The following GSE1 variants were observed in gnomAD, a reference collection of about 807,000 sequenced individuals.
GSE1 encodes genetic suppressor element 1.
A neutral mutation model predicts 112.6 loss-of-function variants in GSE1; 32 were observed. The observed-to-expected ratio is 0.28, with a 90% confidence interval of 0.21 to 0.38. The LOEUF (loss-of-function observed/expected upper bound fraction) is 0.38. Among genes scored for constraint, GSE1 ranks in the 10% least tolerant of loss-of-function variants. The pLI, the probability that GSE1 is intolerant of heterozygous loss-of-function variation, is 1.00. For synonymous variants in GSE1, 1,115 were observed against 735.6 expected (o/e 1.52, Z -8.35); for missense variants, 2,348 against 1,699.2 (o/e 1.38, Z -6.71).
intron 1 of GSE1, among the ~76,000 whole-genome samples, chr16:85,300,775 G>A (rs2045501516): frequency 6.6e-6 from 1 of 151,920 alleles, no homozygotes; most frequent in Non-Finnish European, 1.5e-5. Context: ...CACGCTGTGT[G>A]GATGGTGAGG....
At chr16:85,456,526 G>A (rs954127788) in intron 2 of GSE1, among the ~76,000 whole-genome samples, 1 of 150,922 alleles carries the variant, frequency 6.6e-6, no homozygotes, top group East Asian at 2.0e-4. Flanking sequence ...CCAGGACCCC[G>A]CTGCAAATCC....
intron 1 of GSE1, among the ~76,000 whole-genome samples, chr16:85,176,208 A>C (rs1016887140): frequency 1.1e-4 from 17 of 152,278 alleles, no homozygotes; most frequent in African/African-American, 3.8e-4. Flanking sequence ...CCTAAGCTCA[A>C]GTGATCCTCC....
At chr16:85,304,836 G>A (rs1305610028) in intron 1 of GSE1, among the ~76,000 whole-genome samples, 2 of 152,162 alleles carry the variant, frequency 1.3e-5, no homozygotes, top group Non-Finnish European at 2.9e-5. Context: ...TTCAACCAGC[G>A]TTGTTCATTG....
At chr16:85,173,542 G>C (rs535681599) in intron 1 of GSE1, among the ~76,000 whole-genome samples, 1 of 152,228 alleles carries the variant, frequency 6.6e-6, no homozygotes, top group African/African-American at 2.4e-5. Flanking sequence ...GGTTGGTTCT[G>C]TGTGCGAGGT....
intron 1 of GSE1, among the ~76,000 whole-genome samples, chr16:85,591,396 C>T (rs571450795): frequency 2.0e-5 from 3 of 152,330 alleles, no homozygotes; most frequent in African/African-American, 7.2e-5. Context: ...TTAGTTTGGG[C>T]CAAGAGAAGG....
intron 2 of GSE1, among the ~76,000 whole-genome samples, chr16:85,641,730 C>T (rs577370225): frequency 6.6e-6 from 1 of 152,366 alleles, no homozygotes; most frequent in East Asian, 1.9e-4. Context: ...TGGCTCTTTC[C>T]TCTGGGGTCT....
At chr16:85,597,788 AAAG>A (rs2047296852) in intron 1 of GSE1, among the ~76,000 whole-genome samples, 1 of 152,152 alleles carries the variant, frequency 6.6e-6, no homozygotes, top group African/African-American at 2.4e-5. Flanking sequence ...TCAATAACTA[AAAG>A]ATGGGCCAGC....
intron 2 of GSE1, among the ~76,000 whole-genome samples, chr16:85,382,516 C>T (rs1390088733): frequency 6.6e-6 from 1 of 152,186 alleles, no homozygotes; most frequent in African/African-American, 2.4e-5. Flanking sequence ...ACGTGGTCTG[C>T]CCCTCACTTT....
chr16:85,650,502 C>A (rs1044844413), intron 3 of GSE1, among the ~76,000 whole-genome samples: 1 of 152,246 alleles, frequency 6.6e-6, no homozygotes, highest in Non-Finnish European at 1.5e-5. Context: ...AGACCCAGGA[C>A]GCCTCGAGGG....
intron 1 of GSE1, among the ~76,000 whole-genome samples, chr16:85,200,536 G>T (rs977171993): frequency 8.5e-5 from 13 of 152,104 alleles, no homozygotes; most frequent in African/African-American, 3.1e-4. Flanking sequence ...TGACCTGTCA[G>T]CTCTGGGCAG....
Position 85,235,787 on chromosome 16 carries a change from A to G in GSE1, c.2283+63980A>G, listed in dbSNP as rs576186094. ...AAGCGTGGCGGGTGCCAGGCGGGCG[A>G]GGCGCCGGCCGGTGAGCGCGGCTGG... On this transcript the variant is annotated intron_variant, in intron 1 of 2. Transcript: ENST00000637419. 9.4e-3 allele frequency among the ~76,000 whole-genome samples: 1,434 copies of G among 151,762 alleles called. 11 individuals are homozygous for G. The highest frequency in any genetic ancestry group is 0.015 in the Non-Finnish European group (1,003 of 67,832).
chr16:85,446,334 T>A (rs78509690), intron 2 of GSE1, among the ~76,000 whole-genome samples: 2,269 of 152,322 alleles, frequency 0.015, 48 homozygotes, highest in African/African-American at 0.052. Context: ...GTAGCTGCAA[T>A]GCTCTCTGCC....
chr16:85,312,221 C>A (rs1466508465), intron 1 of GSE1, among the ~76,000 whole-genome samples: 3 of 122,280 alleles, frequency 2.5e-5, no homozygotes, highest in East Asian at 2.1e-4. Flanking sequence ...GGGGGGGACA[C>A]ACTTACCCCC....
rs1354278062 is a variant in GSE1 at position 85,419,339 on chromosome 16, G to A, written c.2464+61696G>A. Among the ~76,000 whole-genome samples the A allele has an allele frequency of 6.6e-6, 1 of 152,184 alleles. No homozygotes were observed. Among genetic ancestry groups the A allele is most frequent in the Non-Finnish European group, 1.5e-5 (1 of 68,036 alleles). On this transcript the variant is annotated intron_variant, in intron 2 of 2. Transcript: ENST00000637419. The surrounding 1 kb of genome is among the most constrained non-coding windows in gnomAD (Gnocchi z 6.5). Reference sequence around the variant, plus strand: ...TTGAGAATATACCAGATGGCCGGGCGTGGTGGCTCGTGCCTATAATCCCAG... The same window carrying A: ...TTGAGAATATACCAGATGGCCGGGCATGGTGGCTCGTGCCTATAATCCCAG...
At chr16:85,358,223 G>T (rs1321158089) in intron 2 of GSE1, among the ~76,000 whole-genome samples, 1 of 152,196 alleles carries the variant, frequency 6.6e-6, no homozygotes, top group Non-Finnish European at 1.5e-5. Context: ...AGGCGAGGCT[G>T]TGCCCTCCTT....
chr16:85,613,439 C>G (rs747853083), intron 1 of GSE1, 41 bp downstream of exon 1: 1 of 1,515,172 alleles, frequency 6.6e-7, no homozygotes, highest in Non-Finnish European at 8.9e-7. Flanking sequence ...GTCCTCCCCC[C>G]TCCCCCCACC....
chr16:85,653,925 T>C (rs1407108467), intron 3 of GSE1, among the ~76,000 whole-genome samples: 2 of 152,116 alleles, frequency 1.3e-5, no homozygotes, highest in Non-Finnish European at 2.9e-5. Flanking sequence ...GACCTTCGGA[T>C]GTCCACACCA....
chr16:85,338,669 T>C (rs1260417351), intron 1 of GSE1, among the ~76,000 whole-genome samples: 1 of 152,184 alleles, frequency 6.6e-6, no homozygotes, highest in Non-Finnish European at 1.5e-5. Context: ...AAAGGCCCGG[T>C]AGTAGTCTAA....
intron 15 of GSE1, 107 bp downstream of exon 15, chr16:85,671,205 C>G: frequency 1.6e-6 from 1 of 615,818 alleles, no homozygotes; most frequent in East Asian, 3.1e-5. Flanking sequence ...CTTAAGAGAT[C>G]AAAATTTGGC....
Sources: allele counts gnomAD v4.1 joint callset (sites outside exome capture counted in the v4.1 genomes callset), GRCh38; gene constraint gnomAD v4.1.1; non-coding constraint Gnocchi (gnomAD v3.1); transcripts MANE v1.5; gene names NCBI Gene and HGNC (gene_info 2026-07-23, HGNC 2026-07-21).